The following YAP1 variants were observed in gnomAD, a reference collection of about 807,000 sequenced individuals.
YAP1 encodes transcriptional coactivator YAP1.
YAP1 carries 5 observed loss-of-function variants against 56.9 expected under a neutral mutation model. That is an observed-to-expected ratio of 0.09 (90% confidence interval 0.05 to 0.18). YAP1 has a LOEUF of 0.18. Ranked by LOEUF, YAP1 falls within the 10% of genes least tolerant of loss-of-function variation. The probability of loss-of-function intolerance (pLI) is 1.00; values close to 1 mark genes in which losing one functional copy is unlikely to be tolerated. For synonymous variants in YAP1, 265 were observed against 248.1 expected (o/e 1.07, Z -0.64); for missense variants, 539 against 651.8 (o/e 0.83, Z 1.88).
rs765782009 is a variant in YAP1 at position 102,205,929 on chromosome 11, A to T, written c.839A>T (p.Lys280Ile). Residue 280 changes from lysine (K) to isoleucine (I), a missense_variant, in exon 5 of 9, where the codon AAA becomes ATA. Lys to Ile is a moderately radical substitution (Grantham distance 102). Transcript: ENST00000282441. ...NQRISQSAPV[K>I]QPPPLAPQSP... Reference sequence around the variant, plus strand: ...AGAATCAGTCAGAGTGCTCCAGTGAAACAGCCACCACCCCTGGCTCCCCAG... The same window carrying T: ...AGAATCAGTCAGAGTGCTCCAGTGATACAGCCACCACCCCTGGCTCCCCAG... The T allele has an allele frequency of 1.2e-6, 2 of 1,604,716 alleles. No homozygotes were observed. The highest frequency in any genetic ancestry group is 1.7e-6 in the Non-Finnish European group (2 of 1,175,178).
rs1467091456 is a variant in YAP1 at position 102,229,618 on chromosome 11, T to C, written c.1277-84T>C. The C allele has an allele frequency of 1.5e-5, 19 of 1,297,272 alleles. No individual in the cohort carries two copies. In the East Asian group the frequency reaches 4.4e-4, roughly 30 times the overall value. 80.4% of individuals were successfully genotyped at this position (1,297,272 alleles called of 1,614,324 possible). On this transcript the variant is annotated intron_variant, in intron 8 of 8. Coordinates refer to ENST00000282441, the MANE Select transcript of YAP1 (RefSeq NM_001130145.3). ...TCAGTCAGGAGCGCTTTTCTTTCCC[T>C]GTGCATTTCTCTGTGCTCATATGAT...
At chr11:102,129,960 C>T (rs1054647729) in intron 2 of YAP1, among the ~76,000 whole-genome samples, 1 of 151,954 alleles carries the variant, frequency 6.6e-6, no homozygotes, top group Non-Finnish European at 1.5e-5. Flanking sequence ...AGGCATGCAC[C>T]ACCACACCTG....
In YAP1 at chr11:102,231,752, T is replaced by A. The variant is rs1019059176; in HGVS notation, c.*1812T>A. ...CAATGTTTCTAGAATAAGCCCTTAT[T>A]TTCAAGGGTTCATAACAGGCATAAA... On this transcript the variant is annotated 3_prime_UTR_variant, in exon 9 of 9. Coordinates refer to ENST00000282441, the MANE Select transcript of YAP1 (RefSeq NM_001130145.3). 1 of 152,618 alleles carries A rather than the reference T, an allele frequency of 6.6e-6. No homozygotes were observed. The highest frequency in any genetic ancestry group is 2.4e-5 in the African/African-American group (1 of 41,454). 9.5% of individuals were successfully genotyped at this position (152,618 alleles called of 1,614,324 possible). A position where few individuals can be genotyped will look rare whatever the true frequency, so the allele number is the denominator to read the frequency against.
At chr11:102,152,304 A>G (rs1315998697) in intron 2 of YAP1, among the ~76,000 whole-genome samples, 2 of 152,166 alleles carry the variant, frequency 1.3e-5, no homozygotes, top group African/African-American at 4.8e-5. Flanking sequence ...TTGTTTCTCA[A>G]CCTCTGAGGC....
chr11:102,171,548 T>G (rs1223589850), intron 3 of YAP1, among the ~76,000 whole-genome samples: 1 of 152,214 alleles, frequency 6.6e-6, no homozygotes, highest in Non-Finnish European at 1.5e-5. Flanking sequence ...TCGGCAAAAC[T>G]TTACAGAAAG....
At chr11:102,182,473 A>G (rs1370239375) in intron 3 of YAP1, among the ~76,000 whole-genome samples, 6 of 152,184 alleles carry the variant, frequency 3.9e-5, no homozygotes, top group African/African-American at 1.4e-4. Context: ...TTCAGAAAAC[A>G]TATCACTTTT....
intron 4 of YAP1, among the ~76,000 whole-genome samples, chr11:102,201,380 A>G (rs73583910): frequency 0.011 from 1,624 of 152,324 alleles, 34 homozygotes; most frequent in African/African-American, 0.038. Flanking sequence ...TAAAGGAAAT[A>G]CTGATACAGT....
In YAP1 at chr11:102,119,421, CTG is replaced by C. The variant is rs1323470208; in HGVS notation, c.572+5029_572+5030del. Among the ~76,000 whole-genome samples, 4 of 152,020 alleles carry C rather than the reference CTG, an allele frequency of 2.6e-5. No individual in the cohort carries two copies. The East Asian group carries it at 5.8e-4, about 22-fold the overall frequency. ...TTTGCAGCATCATTCAAAGAACAGA[CTG>C]TCACTTGGTGTGTTTAAAAATTATG... On this transcript the variant is annotated intron_variant, in intron 2 of 8. Transcript: ENST00000282441.
chr11:102,173,194 G>C (rs1947019833), intron 3 of YAP1, among the ~76,000 whole-genome samples: 1 of 152,082 alleles, frequency 6.6e-6, no homozygotes, highest in Admixed American at 6.6e-5. Flanking sequence ...GAAGATAAAA[G>C]TAGCTAGTAG....
At chr11:102,193,727 A>G (rs1292116602) in intron 4 of YAP1, among the ~76,000 whole-genome samples, 3 of 152,244 alleles carry the variant, frequency 2.0e-5, no homozygotes, top group Non-Finnish European at 4.4e-5. Flanking sequence ...AAGACCAGCA[A>G]CGTCAATTAG....
chr11:102,227,346 C>G (rs1357196653), intron 7 of YAP1, 123 bp from the exon 8 acceptor site: 4 of 689,478 alleles, frequency 5.8e-6, no homozygotes, highest in Admixed American at 2.3e-5. Context: ...TCAGACATTG[C>G]AGGACAGGAA....
chr11:102,224,243 A>C (rs1162163766), intron 7 of YAP1, among the ~76,000 whole-genome samples: 4 of 152,230 alleles, frequency 2.6e-5, no homozygotes, highest in Non-Finnish European at 5.9e-5. Context: ...CCTCTTTCAA[A>C]AATGCACTAA....
chr11:102,152,951 C>T (rs565589400), intron 2 of YAP1, among the ~76,000 whole-genome samples: 77 of 152,194 alleles, frequency 5.1e-4, no homozygotes, highest in Admixed American at 1.6e-3. Flanking sequence ...GACATTTGAG[C>T]TGTCCTCAAA....
intron 2 of YAP1, 36 bp downstream of exon 2, chr11:102,114,430 GACAAATATGTATTGGAAA>G: frequency 6.3e-7 from 1 of 1,596,256 alleles, no homozygotes; most frequent in Non-Finnish European, 8.6e-7. Context: ...AGTTATCTAA[GACAAATATGTATTGGAAA>G]ACACAGTAAA....
intron 2 of YAP1, among the ~76,000 whole-genome samples, chr11:102,127,950 TTTG>T (rs1944135451): frequency 6.6e-6 from 1 of 152,194 alleles, no homozygotes; most frequent in East Asian, 1.9e-4. Context: ...CTGTAACCCC[TTTG>T]TTTTGGCCAA....
At chr11:102,181,548 A>C (rs888216786) in intron 3 of YAP1, among the ~76,000 whole-genome samples, 1 of 152,198 alleles carries the variant, frequency 6.6e-6, no homozygotes, top group Non-Finnish European at 1.5e-5. Flanking sequence ...TCTGGTCATT[A>C]AGGACAAATG....
chr11:102,230,667 T>G lies in YAP1; in HGVS notation c.*727T>G, dbSNP rs1950406128. The G allele has an allele frequency of 6.6e-6, 1 of 152,552 alleles. No homozygotes were observed. Among genetic ancestry groups the G allele is most frequent in the Non-Finnish European group, 1.5e-5 (1 of 68,014 alleles). 9.4% of individuals were successfully genotyped at this position (152,552 alleles called of 1,614,324 possible). A position where few individuals can be genotyped will look rare whatever the true frequency, so the allele number is the denominator to read the frequency against. On this transcript the variant is annotated 3_prime_UTR_variant, in exon 9 of 9. Coordinates refer to ENST00000282441, the MANE Select transcript of YAP1 (RefSeq NM_001130145.3). ...TGTTCTGTTTTGTTGGGTTTTTTGT[T>G]TTTTTTGTTTTTGGCAGGGTCGGTG...
intron 2 of YAP1, among the ~76,000 whole-genome samples, chr11:102,146,987 C>T (rs1945357636): frequency 6.6e-6 from 1 of 152,152 alleles, no homozygotes; most frequent in Non-Finnish European, 1.5e-5. Context: ...TTTAGAGAGT[C>T]TTTATTTTGT....
At chr11:102,195,609 G>A (rs943537603) in intron 4 of YAP1, among the ~76,000 whole-genome samples, 4 of 152,110 alleles carry the variant, frequency 2.6e-5, no homozygotes, top group Non-Finnish European at 4.4e-5. Flanking sequence ...GTGAGTGCTC[G>A]CAAGATCTTA....
Sources: allele counts gnomAD v4.1 joint callset (sites outside exome capture counted in the v4.1 genomes callset), GRCh38; gene constraint gnomAD v4.1.1; transcripts MANE v1.5; gene names NCBI Gene and HGNC (gene_info 2026-07-23, HGNC 2026-07-21).